SIL1: variants seen among roughly 807,000 people sequenced by gnomAD.
SIL1 encodes nucleotide exchange factor SIL1.
In SIL1, 40 loss-of-function variants were observed where a neutral mutation model predicts 49.1. That is an observed-to-expected ratio of 0.81 (90% confidence interval 0.63 to 1.06). The LOEUF (loss-of-function observed/expected upper bound fraction) is 1.06. SIL1 is among the 50% of genes least tolerant of loss of function. The pLI is 0.00. For synonymous variants in SIL1, 253 were observed against 250.8 expected (o/e 1.01, Z -0.08); for missense variants, 500 against 572.6 (o/e 0.87, Z 1.29).
intron 3 of SIL1, among the ~76,000 whole-genome samples, chr5:139,062,705 G>A (rs887017190): frequency 2.0e-5 from 3 of 152,226 alleles, no homozygotes; most frequent in Non-Finnish European, 4.4e-5. Context: ...GATTTCCTGT[G>A]TTCTAGTGAG....
At chr5:139,003,238 A>G (rs1768029594) in intron 7 of SIL1, among the ~76,000 whole-genome samples, 1 of 152,100 alleles carries the variant, frequency 6.6e-6, no homozygotes. Context: ...CAACTCCCAA[A>G]CTCTCAAATG....
intron 5 of SIL1, among the ~76,000 whole-genome samples, chr5:139,039,816 T>A (rs1024021239): frequency 6.6e-6 from 1 of 152,060 alleles, no homozygotes; most frequent in African/African-American, 2.4e-5. Context: ...ATAGCAGACA[T>A]AATAAAACAT....
intron 3 of SIL1, among the ~76,000 whole-genome samples, chr5:139,116,026 G>A (rs913975523): frequency 3.3e-5 from 5 of 152,108 alleles, no homozygotes; most frequent in Admixed American, 6.5e-5. Context: ...GAACCACGCC[G>A]CCCCTCCAAA....
chr5:139,103,748 T>G (rs1024896975), intron 3 of SIL1, among the ~76,000 whole-genome samples: 30 of 151,874 alleles, frequency 2.0e-4, no homozygotes, highest in African/African-American at 7.3e-4. Flanking sequence ...TGTGTGGGAG[T>G]CAGCATAAGC....
rs58903287 is a variant in SIL1 at position 138,952,623 on chromosome 5, G to A, written c.768-739C>T. ...TGAACGACTGAACGAACGAACGAATGAACAACACGTGTACACAACCATGAA... is the reference window on the plus strand; with the variant it reads ...TGAACGACTGAACGAACGAACGAATAAACAACACGTGTACACAACCATGAA... On this transcript the variant is annotated intron_variant, in intron 7 of 9. Coordinates refer to ENST00000394817, the MANE Select transcript of SIL1 (RefSeq NM_022464.5). Among the ~76,000 whole-genome samples the A allele has an allele frequency of 4.4e-3, 673 of 152,340 alleles. 4 individuals carry two copies. Among genetic ancestry groups the A allele is most frequent in the African/African-American group, 0.016 (651 of 41,582 alleles).
At chr5:139,186,568 CT>C (rs766853929) in intron 1 of SIL1, among the ~76,000 whole-genome samples, 4 of 152,174 alleles carry the variant, frequency 2.6e-5, no homozygotes, top group Admixed American at 2.0e-4. Context: ...GCAGCCACCC[CT>C]CATGAAGCAC....
chr5:139,097,996 T>G (rs1433994190), intron 3 of SIL1, among the ~76,000 whole-genome samples: 1 of 152,254 alleles, frequency 6.6e-6, no homozygotes, highest in South Asian at 2.1e-4. Context: ...GAAGAATCAA[T>G]GTTGTTAAAA....
intron 1 of SIL1, among the ~76,000 whole-genome samples, chr5:139,175,750 G>GCAGA (rs1339884267): frequency 5.9e-5 from 9 of 152,132 alleles, no homozygotes; most frequent in Non-Finnish European, 1.2e-4. Flanking sequence ...ATCACCTGAG[G>GCAGA]TCAGGACTTC....
intron 1 of SIL1, among the ~76,000 whole-genome samples, chr5:139,150,714 G>A (rs1025333594): frequency 2.6e-5 from 4 of 152,200 alleles, no homozygotes; most frequent in African/African-American, 9.7e-5. Context: ...GTTGAAGAGA[G>A]GCACTCAGGG....
chr5:139,152,872 G>A (rs1268831052), intron 1 of SIL1, among the ~76,000 whole-genome samples: 2 of 152,164 alleles, frequency 1.3e-5, no homozygotes, highest in African/African-American at 4.8e-5. Context: ...TAGAGTGAGT[G>A]CAATGGCGCG....
At chr5:139,193,835 T>C (rs915800233) in intron 1 of SIL1, among the ~76,000 whole-genome samples, 4 of 152,202 alleles carry the variant, frequency 2.6e-5, no homozygotes, top group Non-Finnish European at 4.4e-5. Context: ...GGTGGTCCAC[T>C]CTTCTCAAGA....
Position 139,137,525 on chromosome 5 carries a change from T to A in SIL1, c.-10-9672A>T, listed in dbSNP as rs936245278. Reference sequence around the variant, plus strand: ...CATTTTGTGTCAGGACAGAAATTTTTTTTTTAATTTTATTATTATTATACT... The same window carrying A: ...CATTTTGTGTCAGGACAGAAATTTTATTTTTAATTTTATTATTATTATACT... On this transcript the variant is annotated intron_variant, in intron 1 of 9. Transcript: ENST00000394817. 7.7e-6 allele frequency: 4 copies of A among 520,988 alleles called. No homozygotes were observed. In the East Asian group the frequency reaches 9.2e-5, roughly 12 times the overall value. 32.3% of individuals were successfully genotyped at this position (520,988 alleles called of 1,614,324 possible).
chr5:138,988,927 A>G (rs1221141494), intron 7 of SIL1, among the ~76,000 whole-genome samples: 2 of 152,240 alleles, frequency 1.3e-5, no homozygotes, highest in Non-Finnish European at 2.9e-5. Flanking sequence ...AAATTACAGA[A>G]TGATGAATCT....
chr5:139,021,127 G>A (rs199779294), intron 7 of SIL1, 44 bp downstream of exon 7: 1 of 1,613,908 alleles, frequency 6.2e-7, no homozygotes, highest in East Asian at 2.2e-5. Context: ...AAGCAGATCA[G>A]GCCAAGCAAT....
At chr5:139,132,398 G>A (rs932520105) in intron 1 of SIL1, among the ~76,000 whole-genome samples, 1 of 152,206 alleles carries the variant, frequency 6.6e-6, no homozygotes, top group Non-Finnish European at 1.5e-5. Context: ...CAATACTAAG[G>A]ATGAGAGGTG....
chr5:139,193,456 TACTC>T (rs1480574118), intron 1 of SIL1, among the ~76,000 whole-genome samples: 1 of 151,884 alleles, frequency 6.6e-6, no homozygotes, highest in Non-Finnish European at 1.5e-5. Flanking sequence ...TAATCCCAGT[TACTC>T]AGGAGGCTGA....
At chr5:138,961,951 A>AATTTT (rs1767027642) in intron 7 of SIL1, among the ~76,000 whole-genome samples, 1 of 113,506 alleles carries the variant, frequency 8.8e-6, no homozygotes, top group African/African-American at 3.2e-5. Flanking sequence ...TGTTCTCTAG[A>AATTTT]CTTTTTTTTT....
intron 7 of SIL1, among the ~76,000 whole-genome samples, chr5:138,981,489 C>G (rs1327630929): frequency 1.3e-5 from 2 of 152,154 alleles, no homozygotes; most frequent in Non-Finnish European, 2.9e-5. Flanking sequence ...GAGTCCAGAT[C>G]ATATGGGAGT....
intron 7 of SIL1, among the ~76,000 whole-genome samples, chr5:138,957,415 A>G (rs890158704): frequency 4.8e-5 from 5 of 103,490 alleles, no homozygotes; most frequent in South Asian, 5.0e-4. Flanking sequence ...CTGCAAAAGT[A>G]AAAAAAAAAA....
Sources: allele counts gnomAD v4.1 joint callset (sites outside exome capture counted in the v4.1 genomes callset), GRCh38; gene constraint gnomAD v4.1.1; transcripts MANE v1.5; gene names NCBI Gene and HGNC (gene_info 2026-07-23, HGNC 2026-07-21).